The following ZNF521 variants were observed in gnomAD, a reference collection of about 807,000 sequenced individuals.
The protein encoded by ZNF521 is zinc finger protein 521, also known as LYST-interacting protein 3.
A neutral mutation model predicts 105.5 loss-of-function variants in ZNF521; 14 were observed. That is an observed-to-expected ratio of 0.13 (90% confidence interval 0.09 to 0.21). ZNF521 has a LOEUF of 0.21. Among genes scored for constraint, ZNF521 ranks in the 10% least tolerant of loss-of-function variants. The pLI is 1.00. For synonymous variants in ZNF521, 635 were observed against 606.0 expected, an observed-to-expected ratio of 1.05 and a Z score of -0.70; for missense variants, 1,233 against 1,629.7, an observed-to-expected ratio of 0.76 and a Z score of 4.19.
intron 5 of ZNF521, among the ~76,000 whole-genome samples, chr18:25,118,705 A>C (rs1486183467): frequency 6.6e-6 from 1 of 152,038 alleles, no homozygotes; most frequent in Non-Finnish European, 1.5e-5. Flanking sequence ...GAAAGTCCAA[A>C]AGGGGGAAGA....
chr18:25,171,405 A>T (rs916720539), intron 5 of ZNF521, among the ~76,000 whole-genome samples: 7 of 152,164 alleles, frequency 4.6e-5, no homozygotes, highest in African/African-American at 1.2e-4. Flanking sequence ...GGAACAAAAG[A>T]AAGTTATGGA....
At position 25,322,079 on chromosome 18, in the gene ZNF521, T is replaced by A; in HGVS notation, c.149A>T (p.Asp50Val). Residue 50 changes from aspartate to valine, a missense_variant, in exon 3 of 8, where the codon GAC (aspartate) becomes GTC (valine). Around this residue, in one of 6 missense-constraint regions of ZNF521, gnomAD observed 76 missense variants for 79.3 expected, o/e 0.96. Coordinates refer to ENST00000361524, the MANE Select transcript of ZNF521 (RefSeq NM_015461.3). ...CGATTCAAACACCTGGAGGCAGCTG[T>A]CACAGCTGTGCACAGCTTCGTCTTC... ...ELEDEAVHSC[D>V]SCLQVFESLS... 6.2e-7 allele frequency: 1 copy of A among 1,614,176 alleles called. No homozygotes were observed. The highest frequency in any genetic ancestry group is 1.1e-5 in the South Asian group (1 of 91,086).
intron 5 of ZNF521, among the ~76,000 whole-genome samples, chr18:25,142,890 G>T (rs867208453): frequency 6.6e-6 from 1 of 152,052 alleles, no homozygotes; most frequent in South Asian, 2.1e-4. Context: ...GTGTCCTTTG[G>T]TTCGGGTTTT....
intron 3 of ZNF521, among the ~76,000 whole-genome samples, chr18:25,250,815 C>T (rs4402650): frequency 0.39 from 58,992 of 152,010 alleles, 11,880 homozygotes; most frequent in African/African-American, 0.49. Flanking sequence ...TAAAATGTCT[C>T]ATGTAAAAAT....
chr18:25,262,037 C>T (rs1908945362), intron 3 of ZNF521, among the ~76,000 whole-genome samples: 1 of 152,106 alleles, frequency 6.6e-6, no homozygotes, highest in South Asian at 2.1e-4. Context: ...GACAGTAGCA[C>T]AATGGACAAT....
intron 5 of ZNF521, among the ~76,000 whole-genome samples, chr18:25,165,470 A>G (rs1272923754): frequency 6.6e-6 from 1 of 152,202 alleles, no homozygotes; most frequent in Non-Finnish European, 1.5e-5. Flanking sequence ...GTAGACTGTC[A>G]AAGTTCCTCA....
chr18:25,224,653 G>A lies in ZNF521; in HGVS notation c.3265C>T (p.Pro1089Ser), dbSNP rs1399775928. Residue 1089 changes from proline to serine, a missense_variant, in exon 4 of 8, where the codon CCA becomes TCA. Transcript: ENST00000361524. ...ACGCAGCCGGCACACAGACCATATG[G>A]CAGGCCATTGATATCAAGTTTCACC... Reference protein sequence around the residue: ...DLVKLDINGLPYGLCAGCVNL... With the variant: ...DLVKLDINGLSYGLCAGCVNL... 1.2e-6 allele frequency: 2 copies of A among 1,614,100 alleles called. No homozygotes were observed. The highest frequency in any genetic ancestry group is 8.5e-7 in the Non-Finnish European group (1 of 1,180,010).
intron 3 of ZNF521, among the ~76,000 whole-genome samples, chr18:25,266,451 T>C (rs1282860498): frequency 6.6e-6 from 1 of 152,200 alleles, no homozygotes; most frequent in Non-Finnish European, 1.5e-5. Context: ...TAAATCGGAT[T>C]TGCTGGCAAG....
chr18:25,091,801 C>A (rs1343381467), intron 6 of ZNF521, 149 bp downstream of exon 6: 5 of 962,966 alleles, frequency 5.2e-6, no homozygotes, highest in Non-Finnish European at 7.4e-6. Context: ...ATCAATAATG[C>A]TAATAAAGCA....
intron 5 of ZNF521, among the ~76,000 whole-genome samples, chr18:25,158,280 A>G (rs921933197): frequency 1.3e-5 from 2 of 152,084 alleles, no homozygotes; most frequent in African/African-American, 2.4e-5. Context: ...GTATATATGC[A>G]TGTGCATGTA....
intron 4 of ZNF521, chr18:25,202,967 T>C (rs1395581084): frequency 2.0e-5 from 3 of 152,234 alleles, no homozygotes; most frequent in African/African-American, 7.2e-5. Context: ...AGGATGCTAT[T>C]GTCTTACAGT....
chr18:25,179,619 T>C (rs947856268), intron 5 of ZNF521, among the ~76,000 whole-genome samples: 1 of 152,196 alleles, frequency 6.6e-6, no homozygotes, highest in African/African-American at 2.4e-5. Flanking sequence ...CTCTTCCAAG[T>C]CCTAATGAAG....
intron 5 of ZNF521, among the ~76,000 whole-genome samples, chr18:25,095,514 G>A (rs1413000142): frequency 6.6e-6 from 1 of 152,088 alleles, no homozygotes; most frequent in African/African-American, 2.4e-5. Context: ...ATCTTCGAAC[G>A]AAACTTCTAG....
chr18:25,304,449 A>G (rs1911853284), intron 3 of ZNF521, among the ~76,000 whole-genome samples: 3 of 152,136 alleles, frequency 2.0e-5, no homozygotes, highest in Admixed American at 2.0e-4. Context: ...CTGACTTTAC[A>G]TTCGGTTTTT....
intron 7 of ZNF521, among the ~76,000 whole-genome samples, chr18:25,077,089 T>C (rs868762029): frequency 6.6e-6 from 1 of 152,332 alleles, no homozygotes; most frequent in South Asian, 2.1e-4. Context: ...GGCAGACTTG[T>C]TTAAAATACA....
intron 5 of ZNF521, among the ~76,000 whole-genome samples, chr18:25,103,250 G>A (rs2034002893): frequency 1.3e-5 from 2 of 152,140 alleles, no homozygotes; most frequent in African/African-American, 4.8e-5. Context: ...TACAACCTGT[G>A]ATGGAGTGGC....
At chr18:25,305,040 C>T (rs1911895903) in intron 3 of ZNF521, among the ~76,000 whole-genome samples, 1 of 152,140 alleles carries the variant, frequency 6.6e-6, no homozygotes, top group South Asian at 2.1e-4. Context: ...TGATGTGCTG[C>T]AAAAACAGGC....
intron 2 of ZNF521, among the ~76,000 whole-genome samples, chr18:25,324,916 G>T (rs1913131510): frequency 6.6e-6 from 1 of 152,162 alleles, no homozygotes; most frequent in African/African-American, 2.4e-5. Flanking sequence ...TAAAATGAGG[G>T]TCATTTTAAG....
chr18:25,226,069 G>A lies in ZNF521; in HGVS notation c.1849C>T (p.Leu617Phe). 6.2e-7 allele frequency: 1 copy of A among 1,614,212 alleles called. No individual in the cohort carries two copies. The highest frequency in any genetic ancestry group is 8.5e-7 in the Non-Finnish European group (1 of 1,180,026). ...CCTCCTACTGCCTGCATCATCTTAA[G>A]AGATGTCTGCTCTATGGCCACAGGA... ...LSPVAIEQTS[L>F]KMMQAVGGAP... Residue 617 changes from leucine to phenylalanine, a missense_variant, in exon 4 of 8, where the codon CTT becomes TTT. Physicochemically the swap from Leu to Phe is conservative, Grantham distance 22. Around this residue, in one of 6 missense-constraint regions of ZNF521, gnomAD observed 614 missense variants for 751.5 expected, o/e 0.82. Transcript: ENST00000361524. The surrounding 1 kb of genome is among the most constrained non-coding windows in gnomAD (Gnocchi z 4.1).
Sources: gnomAD v4.1 joint callset for allele counts (sites outside exome capture counted in the v4.1 genomes callset) on GRCh38, gnomAD v4.1.1 for gene constraint, gnomAD v4.1.1 regional missense constraint, Gnocchi (gnomAD v3.1) non-coding constraint, MANE v1.5 for transcripts, NCBI Gene and HGNC (gene_info 2026-07-23, HGNC 2026-07-21) for gene names.